Variants in RPP14 observed in about 807,000 individuals in gnomAD.
RPP14 encodes ribonuclease P protein subunit p14.
Under a neutral mutation model 17.8 loss-of-function variants are expected in RPP14, and 19 were observed. The observed-to-expected ratio is 1.07, with a 90% CI of 0.74 to 1.57. The LOEUF is 1.57. RPP14 is among the 40% of genes most tolerant of loss of function. The pLI is 0.00. For synonymous variants in RPP14, 60 were observed against 56.4 expected, an observed-to-expected ratio of 1.06 and a Z score of -0.29; for missense variants, 125 against 140.8, an observed-to-expected ratio of 0.89 and a Z score of 0.57.
intron 1 of RPP14, among the ~76,000 whole-genome samples, chr3:58,309,170 G>A (rs1277668360): frequency 6.6e-6 from 1 of 152,198 alleles, no homozygotes; most frequent in African/African-American, 2.4e-5. Flanking sequence ...TTTGTGTTCT[G>A]TGTTGACTGA....
chr3:58,317,672 G>A lies in RPP14; in HGVS notation c.*176G>A, dbSNP rs538545058. The stretch of plus-strand genomic sequence containing the variant: ...TGGGGTGGGCTTCGGAGGACAGTCT[G>A]TCTGAACCTGCCAGTGCTGACCCTG... On this transcript the variant is annotated 3_prime_UTR_variant, in exon 6 of 6. Coordinates refer to ENST00000295959, the MANE Select transcript of RPP14 (RefSeq NM_007042.6). 1.3e-5 allele frequency: 9 copies of A among 706,228 alleles called. No homozygotes were observed. Among genetic ancestry groups the A allele is most frequent in the Middle Eastern group, 2.3e-4 (1 of 4,372 alleles). The allele number at this position is 706,228 out of a possible 1,614,324, so 43.7% of individuals were successfully genotyped here.
At chr3:58,314,613 C>G (rs1056855871) in intron 3 of RPP14, among the ~76,000 whole-genome samples, 2 of 150,446 alleles carry the variant, frequency 1.3e-5, no homozygotes, top group Admixed American at 6.6e-5. Context: ...GAAACTAGAT[C>G]ACTCATACAC....
intron 1 of RPP14, among the ~76,000 whole-genome samples, chr3:58,308,973 G>A (rs2097478916): frequency 6.6e-6 from 1 of 152,244 alleles, no homozygotes; most frequent in Non-Finnish European, 1.5e-5. Context: ...CATGTTCTAC[G>A]TTCTTGAAAG....
rs1294598977 is a variant in RPP14 at position 58,318,796 on chromosome 3, T to A, written c.*1300T>A. ...AGGCGAATCACTTGAGGTCAGGAGT[T>A]CAAGACCAGCCTGGCCAACATGTGA... On this transcript the variant is annotated 3_prime_UTR_variant, in exon 6 of 6. Transcript: ENST00000295959. The A allele has an allele frequency of 6.7e-6, 1 of 149,484 alleles. No homozygotes were observed. Among genetic ancestry groups the A allele is most frequent in the African/African-American group, 2.5e-5 (1 of 40,532 alleles). The allele number at this position is 149,484 out of a possible 1,614,324, so 9.3% of individuals were successfully genotyped here. A position where few individuals can be genotyped will look rare whatever the true frequency, so the allele number is the denominator to read the frequency against.
At chr3:58,311,490 C>T (rs78555060) in intron 3 of RPP14, among the ~76,000 whole-genome samples, 1 of 152,110 alleles carries the variant, frequency 6.6e-6, no homozygotes, top group East Asian at 1.9e-4. Context: ...TGAGTGAGAA[C>T]ATGCAACAGT....
At chr3:58,310,965 CAAAA>C (rs3038127) in intron 3 of RPP14, among the ~76,000 whole-genome samples, 5 of 142,766 alleles carry the variant, frequency 3.5e-5, no homozygotes, top group African/African-American at 1.3e-4. Flanking sequence ...TTTCAAACAT[CAAAA>C]AAAAAAAAAA....
chr3:58,311,959 A>C (rs550386005), intron 3 of RPP14, among the ~76,000 whole-genome samples: 1 of 151,814 alleles, frequency 6.6e-6, no homozygotes, highest in Non-Finnish European at 1.5e-5. Context: ...TACAGCCTCA[A>C]CCTCCCAAGC....
At chr3:58,309,451 A>G (rs927459163) in intron 1 of RPP14, among the ~76,000 whole-genome samples, 1 of 152,262 alleles carries the variant, frequency 6.6e-6, no homozygotes, top group African/African-American at 2.4e-5. Context: ...CTCATAAGGA[A>G]AATTGTTAGC....
Position 58,310,941 on chromosome 3 carries a change from C to T in RPP14, c.162+350C>T, listed in dbSNP as rs184500722. 9.6e-4 allele frequency among the ~76,000 whole-genome samples: 133 copies of T among 138,812 alleles called. 1 individual carries two copies. The highest frequency in any genetic ancestry group is 1.6e-3 in the African/African-American group (59 of 36,074). The allele number at this position is 138,812 out of a possible 152,430, so 91.1% of individuals were successfully genotyped here. On this transcript the variant is annotated intron_variant, in intron 3 of 5. Coordinates refer to ENST00000295959, the MANE Select transcript of RPP14 (RefSeq NM_007042.6). ...GAGACTCTGTCACAAAAAAAAAAAT[C>T]GAGAAAGAATGCTTTTCAAACATCA...
chr3:58,308,115 T>C (rs2097477645), intron 1 of RPP14: 1 of 152,220 alleles, frequency 6.6e-6, no homozygotes, highest in African/African-American at 2.4e-5. Context: ...TGAGGTTTCT[T>C]GTTCTCCCTG....
At position 58,319,186 on chromosome 3, in the gene RPP14, G is replaced by A. The variant is rs1358251239; in HGVS notation, c.*1690G>A. ...TTTTATCAATGAATATTTTTAGACTGTTCTTCAGTATCTGAGTCAGAGTTT... is the reference window on the plus strand; with the variant it reads ...TTTTATCAATGAATATTTTTAGACTATTCTTCAGTATCTGAGTCAGAGTTT... On this transcript the variant is annotated 3_prime_UTR_variant, in exon 6 of 6. Coordinates refer to ENST00000295959, the MANE Select transcript of RPP14 (RefSeq NM_007042.6). 6.6e-6 allele frequency: 1 copy of A among 152,162 alleles called. No homozygotes were observed. The highest frequency in any genetic ancestry group is 1.5e-5 in the Non-Finnish European group (1 of 68,030). 9.4% of individuals were successfully genotyped at this position (152,162 alleles called of 1,614,324 possible). A position where few individuals can be genotyped will look rare whatever the true frequency, so the allele number is the denominator to read the frequency against.
chr3:58,307,449 C>T (rs180826481), intron 1 of RPP14, among the ~76,000 whole-genome samples: 58 of 152,334 alleles, frequency 3.8e-4, no homozygotes, highest in African/African-American at 1.3e-3. Flanking sequence ...CTAGGCCGGG[C>T]GCGGTGGCTC....
chr3:58,307,595 G>C (rs2097476883), intron 1 of RPP14, among the ~76,000 whole-genome samples: 1 of 152,112 alleles, frequency 6.6e-6, no homozygotes, highest in African/African-American at 2.4e-5. Context: ...GCGTGATGAC[G>C]TACGCCTGTA....
Sources: allele counts gnomAD v4.1 joint callset (sites outside exome capture counted in the v4.1 genomes callset), GRCh38; gene constraint gnomAD v4.1.1; transcripts MANE v1.5; gene names NCBI Gene and HGNC (gene_info 2026-07-23, HGNC 2026-07-21).